EPHA5: variants seen among roughly 807,000 people sequenced by gnomAD.
EPHA5 encodes the protein ephrin type-A receptor 5.
Under a neutral mutation model 105.0 loss-of-function variants are expected in EPHA5, and 60 were observed. The observed-to-expected ratio is 0.57, with a 90% CI of 0.46 to 0.71. The LOEUF (loss-of-function observed/expected upper bound fraction) is 0.71. Ranked by LOEUF, EPHA5 falls within the 30% of genes least tolerant of loss-of-function variation. The probability of loss-of-function intolerance (pLI) is 0.00; values close to 1 mark genes in which losing one functional copy is unlikely to be tolerated. For missense variants in EPHA5, 1,218 were observed against 1,274.7 expected (o/e 0.96, Z 0.68); for synonymous variants, 513 against 449.1 (o/e 1.14, Z -1.80).
intron 5 of EPHA5, among the ~76,000 whole-genome samples, chr4:65,478,809 T>C (rs1397580718): frequency 1.3e-5 from 2 of 152,118 alleles, no homozygotes; most frequent in Non-Finnish European, 2.9e-5. Flanking sequence ...TATGTTATTG[T>C]TCTGGATATT....
At chr4:65,490,313 A>C in intron 5 of EPHA5, 64 bp downstream of exon 5, 2 of 1,476,474 alleles carry the variant, frequency 1.4e-6, no homozygotes, top group Non-Finnish European at 1.9e-6. Context: ...CTTGGCCGTC[A>C]GCTATGGAAA....
chr4:65,537,957 G>A (rs1475684881), intron 3 of EPHA5, among the ~76,000 whole-genome samples: 1 of 151,586 alleles, frequency 6.6e-6, no homozygotes, highest in East Asian at 1.9e-4. Context: ...AACACACACA[G>A]TCACCTATAT....
chr4:65,576,064 A>AG (rs1560721193), intron 3 of EPHA5, among the ~76,000 whole-genome samples: 10 of 74,314 alleles, frequency 1.3e-4, no homozygotes, highest in African/African-American at 3.7e-4. Flanking sequence ...GAAAGAAAAG[A>AG]AAAGAAAAGA....
At chr4:65,537,804 C>A (rs1347800102) in intron 3 of EPHA5, among the ~76,000 whole-genome samples, 1 of 151,500 alleles carries the variant, frequency 6.6e-6, no homozygotes, top group East Asian at 1.9e-4. Context: ...AATTTCATGT[C>A]TTAAGGAACA....
intron 16 of EPHA5, among the ~76,000 whole-genome samples, chr4:65,326,001 G>T (rs947521279): frequency 1.2e-4 from 18 of 146,456 alleles, no homozygotes; most frequent in African/African-American, 4.2e-4. Context: ...GAATCATTGA[G>T]ATATATATAT....
At chr4:65,380,265 T>TA (rs1292318556) in intron 8 of EPHA5, among the ~76,000 whole-genome samples, 1 of 151,900 alleles carries the variant, frequency 6.6e-6, no homozygotes, top group South Asian at 2.1e-4. Flanking sequence ...TGGCTTAGAA[T>TA]AAAAAACTGT....
intron 5 of EPHA5, among the ~76,000 whole-genome samples, chr4:65,477,451 C>G (rs144366191): frequency 0.094 from 14,329 of 151,940 alleles, 784 homozygotes; most frequent in East Asian, 0.2. Context: ...CTCACTCTGT[C>G]GCCCAGGCTT....
At chr4:65,464,763 G>A (rs1209910596) in intron 5 of EPHA5, among the ~76,000 whole-genome samples, 1 of 151,988 alleles carries the variant, frequency 6.6e-6, no homozygotes, top group Non-Finnish European at 1.5e-5. Flanking sequence ...GAATAAATCA[G>A]TTTCAATTGA....
chr4:65,574,570 G>C (rs1334660510), intron 3 of EPHA5, among the ~76,000 whole-genome samples: 1 of 141,296 alleles, frequency 7.1e-6, no homozygotes, highest in African/African-American at 2.6e-5. Flanking sequence ...TAAATTGCCA[G>C]AATAAATATG....
intron 3 of EPHA5, among the ~76,000 whole-genome samples, chr4:65,570,864 T>G (rs1024094031): frequency 6.6e-6 from 1 of 151,886 alleles, no homozygotes; most frequent in African/African-American, 2.4e-5. Context: ...ATAACAAACT[T>G]AAGTTTAAGG....
At chr4:65,348,658 A>C (rs1159136089) in intron 13 of EPHA5, among the ~76,000 whole-genome samples, 11 of 10,628 alleles carry the variant, frequency 1.0e-3, no homozygotes, top group Non-Finnish European at 2.5e-3. Context: ...TAAACATTGG[A>C]GATATATATA....
chr4:65,348,556 G>A (rs1722439788), intron 13 of EPHA5, among the ~76,000 whole-genome samples: 1 of 150,142 alleles, frequency 6.7e-6, no homozygotes, highest in Non-Finnish European at 1.5e-5. Flanking sequence ...AAATTCCCTG[G>A]GTGCTTCGTT....
intron 4 of EPHA5, 49 bp downstream of exon 4, chr4:65,495,339 T>A: frequency 6.3e-7 from 1 of 1,579,656 alleles, no homozygotes; most frequent in Non-Finnish European, 8.6e-7. Flanking sequence ...TGCTGTTTCC[T>A]CAAAACTGGT....
At chr4:65,471,679 G>C (rs1030615804) in intron 5 of EPHA5, among the ~76,000 whole-genome samples, 2 of 152,118 alleles carry the variant, frequency 1.3e-5, no homozygotes, top group Non-Finnish European at 2.9e-5. Flanking sequence ...AGCAAGAGCA[G>C]GGAAAACTGC....
chr4:65,506,773 C>A (rs889275858), intron 3 of EPHA5, among the ~76,000 whole-genome samples: 3 of 151,720 alleles, frequency 2.0e-5, no homozygotes, highest in Non-Finnish European at 2.9e-5. Flanking sequence ...TGGATATTAG[C>A]CCTTTGTCAG....
At chr4:65,523,532 G>A (rs1052338393) in intron 3 of EPHA5, among the ~76,000 whole-genome samples, 1 of 151,968 alleles carries the variant, frequency 6.6e-6, no homozygotes, top group Non-Finnish European at 1.5e-5. Context: ...ATGTTGCTTT[G>A]CCACTTGATG....
intron 3 of EPHA5, among the ~76,000 whole-genome samples, chr4:65,496,858 A>C (rs1188876420): frequency 6.6e-6 from 1 of 152,176 alleles, no homozygotes; most frequent in Non-Finnish European, 1.5e-5. Context: ...ATGGATTGGC[A>C]TGAATATTAT....
chr4:65,372,045 T>C (rs1232968536), intron 8 of EPHA5, among the ~76,000 whole-genome samples: 1 of 151,750 alleles, frequency 6.6e-6, no homozygotes, highest in Non-Finnish European at 1.5e-5. Context: ...TGAGAAAAAA[T>C]AAACACTCTT....
At chr4:65,396,309 G>A (rs1721232381) in intron 8 of EPHA5, among the ~76,000 whole-genome samples, 2 of 152,152 alleles carry the variant, frequency 1.3e-5, no homozygotes, top group Admixed American at 1.3e-4. Flanking sequence ...GCTAATTAAG[G>A]GGAATATTGT....
Sources: gnomAD v4.1 joint callset for allele counts (sites outside exome capture counted in the v4.1 genomes callset) on GRCh38, gnomAD v4.1.1 for gene constraint, MANE v1.5 for transcripts, NCBI Gene and HGNC (gene_info 2026-07-23, HGNC 2026-07-21) for gene names.